Variants in THADA observed in about 807,000 individuals in gnomAD.
THADA encodes the protein THADA armadillo repeat containing, also known as tRNA (32-2'-O)-methyltransferase regulator THADA.
THADA carries 213 observed loss-of-function variants against 219.8 expected under a neutral mutation model. The ratio of observed to expected loss-of-function variants is 0.97; its 90% CI spans 0.87 to 1.09. The LOEUF is 1.09. THADA is among the 50% of genes least tolerant of loss of function. The pLI is 0.00. For synonymous variants in THADA, 1,018 were observed against 828.9 expected (o/e 1.23, Z -3.92); for missense variants, 2,956 against 2,311.3 (o/e 1.28, Z -5.72).
chr2:43,370,509 C>T (rs1670675669), intron 29 of THADA, among the ~76,000 whole-genome samples: 1 of 152,122 alleles, frequency 6.6e-6, no homozygotes, highest in African/African-American at 2.4e-5. Context: ...TATTTGAAAA[C>T]ATTTGAAACA....
intron 25 of THADA, among the ~76,000 whole-genome samples, chr2:43,495,715 C>A (rs946194992): frequency 6.6e-6 from 1 of 152,080 alleles, no homozygotes; most frequent in Non-Finnish European, 1.5e-5. Context: ...AGTCCTTTCA[C>A]GGAAAATATT....
chr2:43,534,095 A>T (rs781251087), intron 21 of THADA, among the ~76,000 whole-genome samples: 2 of 152,186 alleles, frequency 1.3e-5, no homozygotes, highest in African/African-American at 4.8e-5. Context: ...ATAAAGATGG[A>T]TTTACAATAA....
At chr2:43,363,691 G>A (rs901501592) in intron 29 of THADA, among the ~76,000 whole-genome samples, 1 of 152,198 alleles carries the variant, frequency 6.6e-6, no homozygotes, top group Non-Finnish European at 1.5e-5. Context: ...CCCACCAACA[G>A]GAGTAGTTCA....
chr2:43,572,075 G>C (rs1251071779), intron 12 of THADA, among the ~76,000 whole-genome samples: 2 of 152,158 alleles, frequency 1.3e-5, no homozygotes, highest in Non-Finnish European at 2.9e-5. Flanking sequence ...TTTATAAAAT[G>C]CAACAATCTT....
intron 37 of THADA, among the ~76,000 whole-genome samples, 166 bp from the exon 38 acceptor site, chr2:43,231,509 C>G (rs1324522067): frequency 6.6e-6 from 1 of 152,210 alleles, no homozygotes. Flanking sequence ...CACTTGCAGC[C>G]TTGAAGGTCA....
intron 31 of THADA, among the ~76,000 whole-genome samples, chr2:43,319,209 A>G (rs1413720592): frequency 1.3e-5 from 2 of 152,238 alleles, no homozygotes; most frequent in Non-Finnish European, 2.9e-5. Flanking sequence ...AAGCTGGAGT[A>G]GATGCAACTC....
At chr2:43,290,417 C>G (rs1472435159) in intron 34 of THADA, among the ~76,000 whole-genome samples, 1 of 152,036 alleles carries the variant, frequency 6.6e-6, no homozygotes, top group African/African-American at 2.4e-5. Flanking sequence ...CTTTGAGTGA[C>G]AGATCTAAGG....
intron 36 of THADA, among the ~76,000 whole-genome samples, chr2:43,256,945 C>T (rs1366563735): frequency 6.6e-6 from 1 of 152,048 alleles, no homozygotes; most frequent in African/African-American, 2.4e-5. Flanking sequence ...AAACTGAAGC[C>T]AAGAGAGTAG....
chr2:43,256,309 A>G (rs2104170189), intron 36 of THADA, among the ~76,000 whole-genome samples: 1 of 151,000 alleles, frequency 6.6e-6, no homozygotes, highest in South Asian at 2.1e-4. Context: ...CAGGAGTTTG[A>G]GACCAGCCTG....
At chr2:43,411,262 C>T (rs1464899605) in intron 28 of THADA, among the ~76,000 whole-genome samples, 1 of 152,124 alleles carries the variant, frequency 6.6e-6, no homozygotes, top group Non-Finnish European at 1.5e-5. Context: ...AGAGCCTGTG[C>T]TAGTTGCAAA....
intron 29 of THADA, among the ~76,000 whole-genome samples, chr2:43,362,000 C>T (rs1407502956): frequency 6.6e-6 from 1 of 152,292 alleles, no homozygotes; most frequent in Non-Finnish European, 1.5e-5. Flanking sequence ...TAATTTCTAG[C>T]CCTTTTGGAC....
At chr2:43,342,954 G>A (rs1311647205) in intron 30 of THADA, 1 of 152,098 alleles carries the variant, frequency 6.6e-6, no homozygotes, top group Non-Finnish European at 1.5e-5. Flanking sequence ...AAAAAAGAGA[G>A]GCTTCTACTT....
At chr2:43,378,785 T>C (rs112493746) in intron 29 of THADA, among the ~76,000 whole-genome samples, 4,082 of 152,270 alleles carry the variant, frequency 0.027, 109 homozygotes, top group African/African-American at 0.075. Context: ...TTTGTATTTT[T>C]ATTAGAGACG....
intron 29 of THADA, among the ~76,000 whole-genome samples, chr2:43,361,376 T>TA (rs1325145219): frequency 6.6e-6 from 1 of 152,236 alleles, no homozygotes; most frequent in African/African-American, 2.4e-5. Flanking sequence ...AATTTCTCTT[T>TA]AAAAAATTAG....
chr2:43,408,408 T>G (rs892263419), intron 28 of THADA: 3 of 152,242 alleles, frequency 2.0e-5, no homozygotes, highest in Non-Finnish European at 2.9e-5. Context: ...AAGTTTGAAC[T>G]GCCCAAGAAT....
At chr2:43,254,781 G>A (rs1670140970) in intron 36 of THADA, among the ~76,000 whole-genome samples, 1 of 152,158 alleles carries the variant, frequency 6.6e-6, no homozygotes. Flanking sequence ...GGAGAACCTG[G>A]ATCCAAGGTT....
At chr2:43,584,952 T>C (rs575619109) in intron 7 of THADA, among the ~76,000 whole-genome samples, 2 of 152,190 alleles carry the variant, frequency 1.3e-5, no homozygotes, top group Admixed American at 1.3e-4. Context: ...GGTAAATACA[T>C]GCACAGTGCA....
chr2:43,392,288 CAA>C (rs1196242696), intron 29 of THADA, among the ~76,000 whole-genome samples: 6 of 152,152 alleles, frequency 3.9e-5, no homozygotes, highest in African/African-American at 1.4e-4. Context: ...TATTTAATCA[CAA>C]GTTTTGATGT....
chr2:43,269,440 T>C (rs1572851166), intron 36 of THADA, among the ~76,000 whole-genome samples: 3 of 152,158 alleles, frequency 2.0e-5, no homozygotes, highest in Admixed American at 2.0e-4. Flanking sequence ...CTGGCACTCA[T>C]AACTGGCCAG....
Sources: allele counts gnomAD v4.1 joint callset (sites outside exome capture counted in the v4.1 genomes callset), GRCh38; gene constraint gnomAD v4.1.1; transcripts MANE v1.5; gene names NCBI Gene and HGNC (gene_info 2026-07-23, HGNC 2026-07-21).